RPRD1A: variants seen among roughly 807,000 people sequenced by gnomAD.
RPRD1A encodes the protein regulation of nuclear pre-mRNA domain-containing protein 1A.
Under a neutral mutation model 37.8 loss-of-function variants are expected in RPRD1A, and 9 were observed. That is an observed-to-expected ratio of 0.24 (90% CI 0.14 to 0.42). RPRD1A has a LOEUF of 0.42. Among genes scored for constraint, RPRD1A ranks in the 10% least tolerant of loss-of-function variants. The pLI, the probability that RPRD1A is intolerant of heterozygous loss-of-function variation, is 1.00. For synonymous variants in RPRD1A, 138 were observed against 139.7 expected, an observed-to-expected ratio of 0.99 and a Z score of 0.08; for missense variants, 255 against 371.0, an observed-to-expected ratio of 0.69 and a Z score of 2.57.
intron 2 of RPRD1A, among the ~76,000 whole-genome samples, chr18:36,033,301 A>C (rs1176671307): frequency 0.27 from 5,583 of 20,718 alleles, 102 homozygotes; most frequent in Non-Finnish European, 0.39. Context: ...CTCTGTCTCA[A>C]AAAAAAAAAA....
At chr18:36,025,799 T>C (rs1568129419) in intron 6 of RPRD1A, 10 of 339,978 alleles carry the variant, frequency 2.9e-5, no homozygotes, top group South Asian at 2.1e-4. Flanking sequence ...ATGTTTAAAA[T>C]TGAGGTTTCA....
In RPRD1A at chr18:36,024,612, G is replaced by A. The variant is rs575689232; in HGVS notation, c.789+2288C>T. Among the ~76,000 whole-genome samples the A allele has an allele frequency of 6.6e-5, 10 of 152,070 alleles. No individual in the cohort carries two copies. In the South Asian group the frequency reaches 1.7e-3, roughly 25 times the overall value. On this transcript the variant is annotated intron_variant, in intron 6 of 6. Transcript: ENST00000399022. Reference sequence around the variant, plus strand: ...AAGAAATATGAAATGGCCAATTCCCGAACTGATACTTTAAATTTATGTTCC... The same window carrying A: ...AAGAAATATGAAATGGCCAATTCCCAAACTGATACTTTAAATTTATGTTCC...
At chr18:35,993,986 A>C (rs1210728234) in intron 6 of RPRD1A, among the ~76,000 whole-genome samples, 1 of 151,922 alleles carries the variant, frequency 6.6e-6, no homozygotes, top group African/African-American at 2.4e-5. Context: ...CTCACCCCCA[A>C]CTCATGAGGA....
In RPRD1A at chr18:36,027,024, A is replaced by C; in HGVS notation, c.665T>G (p.Leu222Trp). The C allele has an allele frequency of 3.7e-6, 6 of 1,614,060 alleles. No individual in the cohort carries two copies. The highest frequency in any genetic ancestry group is 5.1e-6 in the Non-Finnish European group (6 of 1,179,908). The change falls in exon 6 of 7, where the codon TTG becomes TGG. Residue 222 changes from leucine to tryptophan, a missense_variant. Physicochemically the swap from Leu to Trp is moderately conservative, Grantham distance 61. Transcript: ENST00000399022. ...CAATCTGCCATTGTAATCTGCCAGCAACATACACGCATCCTCTACCATTTT... is the reference window on the plus strand; with the variant it reads ...CAATCTGCCATTGTAATCTGCCAGCCACATACACGCATCCTCTACCATTTT... Reference protein sequence around the residue: ...LSKMVEDACMLLADYNGRLAA... With the variant: ...LSKMVEDACMWLADYNGRLAA...
intron 6 of RPRD1A, among the ~76,000 whole-genome samples, chr18:35,993,992 G>A (rs1315982759): frequency 6.6e-6 from 1 of 152,160 alleles, no homozygotes; most frequent in Non-Finnish European, 1.5e-5. Flanking sequence ...CCCAACTCAT[G>A]AGGAAGGTGG....
At position 36,030,086 on chromosome 18, in the gene RPRD1A, G is replaced by A. The variant is rs528615600; in HGVS notation, c.486+722C>T. 2.8e-4 allele frequency among the ~76,000 whole-genome samples: 43 copies of A among 151,288 alleles called. No individual in the cohort carries two copies. The East Asian group carries it at 6.5e-3, about 23-fold the overall frequency. ...CTCCCAAAGTGCTGGGATTACAGGC[G>A]TGAGCCACTGCGCCCGGCCACTCTA... On this transcript the variant is annotated intron_variant, in intron 4 of 6. Coordinates refer to ENST00000399022, the MANE Select transcript of RPRD1A (RefSeq NM_018170.5).
At position 35,990,920 on chromosome 18, in the gene RPRD1A, G is replaced by A. The variant is rs1908683951; in HGVS notation, c.*2231C>T. The A allele has an allele frequency of 6.6e-6, 1 of 152,140 alleles. No homozygotes were observed. The highest frequency in any genetic ancestry group is 2.4e-5 in the African/African-American group (1 of 41,422). 9.4% of individuals were successfully genotyped at this position (152,140 alleles called of 1,614,324 possible). On this transcript the variant is annotated 3_prime_UTR_variant, in exon 7 of 7. Coordinates refer to ENST00000399022, the MANE Select transcript of RPRD1A (RefSeq NM_018170.5). ...GTTAATACGTTAACCAACAACTGAA[G>A]TTTGTGGAGGATTGGTCGAGGGGTG... is the stretch of plus-strand genomic sequence containing the variant.
intron 1 of RPRD1A, among the ~76,000 whole-genome samples, chr18:36,062,322 T>C (rs1458420661): frequency 5.6e-5 from 2 of 35,744 alleles, no homozygotes; most frequent in Non-Finnish European, 8.7e-5. Flanking sequence ...AGACTCCGTC[T>C]CAAAAAAAAA....
In RPRD1A at chr18:36,024,150, TGCACGC is replaced by T. The variant is rs1267822684; in HGVS notation, c.789+2744_789+2749del. ...TTAACAGTTATCTCGTGTGTGTGTGTGCACGCGCACGCGCGTGATGGAGTCTCGGTC... is the reference window on the plus strand; with the variant it reads ...TTAACAGTTATCTCGTGTGTGTGTGTGCACGCGCGTGATGGAGTCTCGGTC... On this transcript the variant is annotated intron_variant, in intron 6 of 6. Transcript: ENST00000399022. Among the ~76,000 whole-genome samples, 7 of 151,712 alleles carry T rather than the reference TGCACGC, an allele frequency of 4.6e-5. No individual in the cohort carries two copies. The South Asian group carries it at 1.0e-3, about 23-fold the overall frequency.
At chr18:36,002,709 TG>T (rs1186911397) in intron 6 of RPRD1A, among the ~76,000 whole-genome samples, 1 of 152,244 alleles carries the variant, frequency 6.6e-6, no homozygotes. Context: ...TTGTGCCATA[TG>T]TAAGTCTGGT....
In RPRD1A at chr18:36,036,103, G is replaced by T. The variant is rs182265376; in HGVS notation, c.152-2266C>A. Among the ~76,000 whole-genome samples the T allele has an allele frequency of 3.5e-3, 533 of 150,846 alleles. 2 individuals are homozygous for T. Among genetic ancestry groups the T allele is most frequent in the Admixed American group, 5.9e-3 (89 of 15,136 alleles). On this transcript the variant is annotated intron_variant, in intron 1 of 6. Transcript: ENST00000399022. ...CCACAAAAACAAAAAAAATGTTTTTGTTTTTTTTGTTTGAGACAAGTTCTG... is the reference window on the plus strand; with the variant it reads ...CCACAAAAACAAAAAAAATGTTTTTTTTTTTTTTGTTTGAGACAAGTTCTG...
At position 35,990,049 on chromosome 18, in the gene RPRD1A, C is replaced by CTG. The variant is rs1458125560; in HGVS notation, c.*3100_*3101dup. 6.6e-6 allele frequency: 1 copy of CTG among 152,118 alleles called. No individual in the cohort carries two copies. The highest frequency in any genetic ancestry group is 1.9e-4 in the East Asian group (1 of 5,192). 9.4% of individuals were successfully genotyped at this position (152,118 alleles called of 1,614,324 possible). ...TGTTTCCTTTCTATACAGAGAAGAA[C>CTG]TGGGCTTACATTTTAAGTTTTGATA... On this transcript the variant is annotated 3_prime_UTR_variant, in exon 7 of 7. Coordinates refer to ENST00000399022, the MANE Select transcript of RPRD1A (RefSeq NM_018170.5).
At chr18:36,008,641 T>C (rs2144193294) in intron 6 of RPRD1A, among the ~76,000 whole-genome samples, 1 of 138,418 alleles carries the variant, frequency 7.2e-6, no homozygotes, top group South Asian at 2.3e-4. Context: ...GGTATATCAA[T>C]TTTGATATAC....
chr18:36,016,457 A>G (rs1418811142), intron 6 of RPRD1A, among the ~76,000 whole-genome samples: 1 of 152,178 alleles, frequency 6.6e-6, no homozygotes, highest in Non-Finnish European at 1.5e-5. Flanking sequence ...TCCTGACCTC[A>G]GATGATCCGC....
intron 4 of RPRD1A, among the ~76,000 whole-genome samples, chr18:36,030,592 T>C (rs1394936923): frequency 6.6e-6 from 1 of 152,218 alleles, no homozygotes; most frequent in Admixed American, 6.5e-5. Context: ...ATCCTCTTTC[T>C]ATACAAAACA....
intron 1 of RPRD1A, among the ~76,000 whole-genome samples, chr18:36,056,210 G>T (rs115049054): frequency 0.012 from 1,776 of 152,108 alleles, 42 homozygotes; most frequent in African/African-American, 0.04. Context: ...TTAACAGACT[G>T]ATTCTGGGTA....
intron 6 of RPRD1A, among the ~76,000 whole-genome samples, chr18:36,023,306 C>T (rs1444830899): frequency 6.6e-6 from 1 of 152,200 alleles, no homozygotes; most frequent in Non-Finnish European, 1.5e-5. Context: ...ATTCTCATGG[C>T]TGACTTTGTG....
chr18:35,993,135 G>A lies in RPRD1A; in HGVS notation c.*16C>T. 6.2e-7 allele frequency: 1 copy of A among 1,611,622 alleles called. No homozygotes were observed. The highest frequency in any genetic ancestry group is 2.2e-5 in the East Asian group (1 of 44,828). On this transcript the variant is annotated 3_prime_UTR_variant, in exon 7 of 7. Transcript: ENST00000399022. ...ATCTCTTGCAAAGTCCTGGGACCTG[G>A]AAAGAGGCTGGTCCATCAATCTTCA...
chr18:36,006,026 T>C (rs1909728099), intron 6 of RPRD1A, among the ~76,000 whole-genome samples: 1 of 152,212 alleles, frequency 6.6e-6, no homozygotes, highest in Non-Finnish European at 1.5e-5. Flanking sequence ...TTCTCATTTA[T>C]AAAATAGGTA....
Sources: allele counts gnomAD v4.1 joint callset (sites outside exome capture counted in the v4.1 genomes callset), GRCh38; gene constraint gnomAD v4.1.1; transcripts MANE v1.5; gene names NCBI Gene and HGNC (gene_info 2026-07-23, HGNC 2026-07-21).